The following EFCAB7 variants were observed in gnomAD, a reference collection of about 807,000 sequenced individuals.
EFCAB7 encodes EF-hand calcium-binding domain-containing protein 7.
In EFCAB7, 66 loss-of-function variants were observed where a neutral mutation model predicts 77.1. That is an observed-to-expected ratio of 0.86 (90% CI 0.70 to 1.05). The LOEUF (loss-of-function observed/expected upper bound fraction) is 1.05. EFCAB7 is among the 50% of genes least tolerant of loss of function. EFCAB7 has a pLI of 0.00. For synonymous variants in EFCAB7, 225 were observed against 243.3 expected (o/e 0.92, Z 0.70); for missense variants, 638 against 730.5 (o/e 0.87, Z 1.46).
chr1:63,567,836 C>T (rs1367204075), intron 11 of EFCAB7, among the ~76,000 whole-genome samples: 2 of 152,086 alleles, frequency 1.3e-5, no homozygotes, highest in Non-Finnish European at 2.9e-5. Flanking sequence ...ATTCGGAATG[C>T]AGAAAATATT....
the EFCAB7 span, among the ~76,000 whole-genome samples, chr1:63,582,380 A>C: frequency 6.6e-6 from 1 of 152,240 alleles, no homozygotes; most frequent in Non-Finnish European, 1.5e-5. Flanking sequence ...TTCAAGATAA[A>C]TTAAGAAAAC....
At chr1:63,546,354 A>C (rs920385461) in intron 7 of EFCAB7, among the ~76,000 whole-genome samples, 2 of 152,114 alleles carry the variant, frequency 1.3e-5, no homozygotes, top group African/African-American at 4.8e-5. Flanking sequence ...TGGTTTCCTC[A>C]TGATATAGAA....
chr1:63,564,654 C>G lies in EFCAB7; in HGVS notation c.1497+2797C>G, dbSNP rs1647149139. Among the ~76,000 whole-genome samples, 7 of 152,154 alleles carry G rather than the reference C, an allele frequency of 4.6e-5. No individual in the cohort carries two copies. In the South Asian group the frequency reaches 1.5e-3, roughly 32 times the overall value. On this transcript the variant is annotated intron_variant, in intron 11 of 13. Transcript: ENST00000371088. ...TACTGCCCAAAGCAATTTATAGATT[C>G]AATGATATTCCCACTAAACTACCAT...
chr1:63,558,773 A>G (rs562475473), intron 10 of EFCAB7, among the ~76,000 whole-genome samples: 1 of 151,602 alleles, frequency 6.6e-6, no homozygotes, highest in Non-Finnish European at 1.5e-5. Flanking sequence ...TTATTTATTT[A>G]TTTTTTTGAG....
intron 11 of EFCAB7, among the ~76,000 whole-genome samples, chr1:63,565,199 A>G (rs981849652): frequency 1.3e-5 from 2 of 152,098 alleles, no homozygotes; most frequent in African/African-American, 2.4e-5. Flanking sequence ...CTGTACTAAA[A>G]ATACAAAAAA....
intron 8 of EFCAB7, among the ~76,000 whole-genome samples, chr1:63,554,053 C>T (rs1646997921): frequency 6.6e-6 from 1 of 152,018 alleles, no homozygotes; most frequent in African/African-American, 2.4e-5. Flanking sequence ...CAATTCCTAG[C>T]TTCAAGCAAT....
At chr1:63,568,614 A>G (rs1647197179) in intron 12 of EFCAB7, 95 bp downstream of exon 12, 3 of 899,878 alleles carry the variant, frequency 3.3e-6, no homozygotes, top group Non-Finnish European at 5.0e-6. Context: ...GTAATTAAGT[A>G]TCCCATCACA....
At chr1:63,538,096 A>C (rs1043226976) in intron 6 of EFCAB7, among the ~76,000 whole-genome samples, 3 of 152,016 alleles carry the variant, frequency 2.0e-5, no homozygotes, top group African/African-American at 7.3e-5. Flanking sequence ...AGGAAATAAC[A>C]GTTCAGTTTG....
intron 11 of EFCAB7, among the ~76,000 whole-genome samples, chr1:63,564,195 ATTG>A (rs781496714): frequency 2.8e-4 from 43 of 152,232 alleles, no homozygotes; most frequent in Admixed American, 6.5e-4. Flanking sequence ...TATCACATAT[ATTG>A]TTAATAATTT....
chr1:63,572,696 G>A (rs956939610), downstream of EFCAB7: 4 of 974,880 alleles, frequency 4.1e-6, no homozygotes, highest in African/African-American at 1.7e-5. Context: ...TGCTTTCATT[G>A]TGTGGTGTTC....
intron 11 of EFCAB7, among the ~76,000 whole-genome samples, chr1:63,562,119 TA>T (rs1298646533): frequency 3.3e-5 from 5 of 151,996 alleles, no homozygotes; most frequent in South Asian, 2.1e-4. Flanking sequence ...AATTTGGTAT[TA>T]AAAAAATTAA....
At chr1:63,553,267 C>T (rs1376902862) in intron 8 of EFCAB7, among the ~76,000 whole-genome samples, 2 of 152,190 alleles carry the variant, frequency 1.3e-5, no homozygotes, top group Non-Finnish European at 2.9e-5. Context: ...GTTTTTCACT[C>T]CTGAGTCTAC....
At chr1:63,565,027 T>C (rs568042324) in intron 11 of EFCAB7, among the ~76,000 whole-genome samples, 1 of 152,342 alleles carries the variant, frequency 6.6e-6, no homozygotes, top group East Asian at 1.9e-4. Flanking sequence ...AGATTGAAAC[T>C]GGACCCCTTC....
At chr1:63,545,326 C>T (rs963293402) in intron 6 of EFCAB7, among the ~76,000 whole-genome samples, 1 of 152,194 alleles carries the variant, frequency 6.6e-6, no homozygotes, top group Non-Finnish European at 1.5e-5. Flanking sequence ...ACTCAGTTTA[C>T]ATCAGTCCCC....
chr1:63,533,728 C>T (rs1474877040), intron 5 of EFCAB7, 79 bp downstream of exon 5: 2 of 1,074,714 alleles, frequency 1.9e-6, no homozygotes, highest in Non-Finnish European at 1.3e-6. Context: ...TCCATTTCAG[C>T]TTATCAGTGA....
chr1:63,543,307 T>C (rs1430218523), intron 6 of EFCAB7, among the ~76,000 whole-genome samples: 1 of 152,212 alleles, frequency 6.6e-6, no homozygotes, highest in Non-Finnish European at 1.5e-5. Flanking sequence ...TATGTCTGTT[T>C]TCATGCTAGT....
intron 6 of EFCAB7, among the ~76,000 whole-genome samples, chr1:63,540,794 T>C (rs1225798948): frequency 6.6e-6 from 1 of 152,156 alleles, no homozygotes; most frequent in Admixed American, 6.5e-5. Context: ...ACAGTGCAGG[T>C]GATTAATGAC....
chr1:63,531,160 C>T (rs1646688816), intron 2 of EFCAB7, among the ~76,000 whole-genome samples: 1 of 152,072 alleles, frequency 6.6e-6, no homozygotes. Context: ...TCCTCCCCTA[C>T]CCCCAGAGTA....
the EFCAB7 span, among the ~76,000 whole-genome samples, chr1:63,578,369 C>T: frequency 6.6e-6 from 1 of 151,510 alleles, no homozygotes; most frequent in Non-Finnish European, 1.5e-5. Context: ...CCAGACATTG[C>T]TCCTGCCCTC....
Sources: allele counts gnomAD v4.1 joint callset (sites outside exome capture counted in the v4.1 genomes callset), GRCh38; gene constraint gnomAD v4.1.1; transcripts MANE v1.5; gene names NCBI Gene and HGNC (gene_info 2026-07-23, HGNC 2026-07-21).